QRICH1: variants seen among roughly 807,000 people sequenced by gnomAD.
The protein encoded by QRICH1 is transcriptional regulator QRICH1.
QRICH1 carries 16 observed loss-of-function variants against 87.1 expected under a neutral mutation model. That is an observed-to-expected ratio of 0.18 (90% CI 0.12 to 0.28). The LOEUF is 0.28. QRICH1 is among the 10% of genes least tolerant of loss of function. The probability of loss-of-function intolerance (pLI) is 1.00; values close to 1 mark genes in which losing one functional copy is unlikely to be tolerated. For missense variants in QRICH1, 647 were observed against 951.7 expected, an observed-to-expected ratio of 0.68 and a Z score of 4.21; for synonymous variants, 367 against 368.4, an observed-to-expected ratio of 1.00 and a Z score of 0.05.
chr3:49,058,613 G>A lies in QRICH1; in HGVS notation c.310-723C>T, dbSNP rs369876276. On this transcript the variant is annotated intron_variant, in intron 2 of 9. Transcript: ENST00000395443. Reference sequence around the variant, plus strand: ...AGTGCTGGGATTACAGGTGTGAGCCGAAACGGCCGGCATTTTTATTTCCAT... The same window carrying A: ...AGTGCTGGGATTACAGGTGTGAGCCAAAACGGCCGGCATTTTTATTTCCAT... 3.0e-3 allele frequency among the ~76,000 whole-genome samples: 449 copies of A among 150,578 alleles called. 4 individuals are homozygous for A. The highest frequency in any genetic ancestry group is 9.9e-3 in the African/African-American group (405 of 41,016).
chr3:49,048,551 G>A (rs2093352050), intron 3 of QRICH1, among the ~76,000 whole-genome samples: 1 of 150,984 alleles, frequency 6.6e-6, no homozygotes, highest in South Asian at 2.1e-4. Context: ...CACTTTGGGA[G>A]GCCGAGGTGG....
intron 2 of QRICH1, among the ~76,000 whole-genome samples, chr3:49,074,887 G>T (rs963434946): frequency 1.3e-5 from 2 of 151,910 alleles, no homozygotes; most frequent in Non-Finnish European, 2.9e-5. Context: ...GCTGAGGCAG[G>T]AGAATGGCGT....
intron 5 of QRICH1, 41 bp downstream of exon 5, chr3:49,046,384 A>C: frequency 6.3e-7 from 1 of 1,575,636 alleles, no homozygotes; most frequent in Non-Finnish European, 8.6e-7. Flanking sequence ...ATCCAATAGG[A>C]ACACAGCTCA....
In QRICH1 at chr3:49,046,493, C is replaced by T; in HGVS notation, c.1603G>A (p.Ala535Thr). The change falls in exon 5 of 10, where the codon GCT becomes ACT. Residue 535 changes from alanine to threonine, a missense_variant. Ala to Thr is a moderately conservative substitution (Grantham distance 58, BLOSUM62 0). Transcript: ENST00000395443. The stretch of plus-strand genomic sequence containing the variant: ...TAGGGTTCACCTTCTCCATTTCGAG[C>T]TTCCCGTGTCATTAGACAGAGCCCA... ...NYGLCLMTRE[A>T]RNGEGEPYDP... is the part of the protein sequence containing the mutation. 1 of 1,614,148 alleles carries T rather than the reference C, an allele frequency of 6.2e-7. No individual in the cohort carries two copies. Among genetic ancestry groups the T allele is most frequent in the Non-Finnish European group, 8.5e-7 (1 of 1,180,030 alleles).
intron 3 of QRICH1, among the ~76,000 whole-genome samples, chr3:49,047,477 ATGT>A (rs1419978832): frequency 7.2e-6 from 1 of 139,306 alleles, no homozygotes; most frequent in Non-Finnish European, 1.5e-5. Context: ...GCACTTTTAA[ATGT>A]TTTTTTTTTT....
Position 49,078,319 on chromosome 3 carries a change from A to ATGGTAGTT in QRICH1, c.-21-1289_-21-1282dup, listed in dbSNP as rs1293327205. On this transcript the variant is annotated intron_variant, in intron 1 of 9. Coordinates refer to ENST00000395443, the MANE Select transcript of QRICH1 (RefSeq NM_198880.3). ...CTGGTTCTCTCCGAATAGCTCACCC[A>ATGGTAGTT]TGGTAGTTGCTTCATATATACCTGC... Among the ~76,000 whole-genome samples, 8 of 148,972 alleles carry ATGGTAGTT rather than the reference A, an allele frequency of 5.4e-5. No homozygotes were observed. In the East Asian group the frequency reaches 1.2e-3, roughly 22 times the overall value.
chr3:49,064,842 C>A (rs926383487), intron 2 of QRICH1, among the ~76,000 whole-genome samples: 2 of 151,958 alleles, frequency 1.3e-5, no homozygotes, highest in Admixed American at 6.6e-5. Flanking sequence ...GATGGTGAAA[C>A]CCTGTCTGTC....
chr3:49,071,134 G>T (rs1366871538), intron 2 of QRICH1, among the ~76,000 whole-genome samples: 4 of 151,744 alleles, frequency 2.6e-5, no homozygotes, highest in African/African-American at 9.7e-5. Flanking sequence ...GTGTGACCCT[G>T]GCTCTCTGCA....
intron 1 of QRICH1, among the ~76,000 whole-genome samples, chr3:49,083,041 T>C (rs1359913613): frequency 3.3e-5 from 5 of 150,788 alleles, no homozygotes; most frequent in African/African-American, 1.2e-4. Flanking sequence ...CCCCCGTCTC[T>C]ACTAAAAATA....
At chr3:49,030,761 G>A (rs1043767508) in intron 9 of QRICH1, 117 bp from the exon 10 acceptor site, 3 of 885,084 alleles carry the variant, frequency 3.4e-6, no homozygotes, top group Non-Finnish European at 5.0e-6. Flanking sequence ...TTGTGGCACA[G>A]CTACTGAATT....
rs372186488 is a variant in QRICH1 at position 49,034,527 on chromosome 3, C to A, written c.1787-1299G>T. ...ACAGTGACACAATCATGGCTAACTG[C>A]AGCCTTGAGCTCTTGGACTCAAAGA... On this transcript the variant is annotated intron_variant, in intron 6 of 9. Coordinates refer to ENST00000395443, the MANE Select transcript of QRICH1 (RefSeq NM_198880.3). 9.9e-5 allele frequency among the ~76,000 whole-genome samples: 15 copies of A among 152,134 alleles called. No homozygotes were observed. The East Asian group carries it at 2.3e-3, about 24-fold the overall frequency.
chr3:49,041,639 T>C (rs1229617199), intron 6 of QRICH1, among the ~76,000 whole-genome samples: 2 of 151,948 alleles, frequency 1.3e-5, no homozygotes, highest in African/African-American at 4.8e-5. Flanking sequence ...CTACTCCTTT[T>C]TTTTTTTCTG....
At position 49,058,902 on chromosome 3, in the gene QRICH1, A is replaced by G. The variant is rs199910835; in HGVS notation, c.310-1012T>C. Reference sequence around the variant, plus strand: ...CTTGGCCTCCAAAACTGTTGAGATTACAGGCGTGAGCCACCACGGCCAGCA... The same window carrying G: ...CTTGGCCTCCAAAACTGTTGAGATTGCAGGCGTGAGCCACCACGGCCAGCA... On this transcript the variant is annotated intron_variant, in intron 2 of 9. Transcript: ENST00000395443. Among the ~76,000 whole-genome samples the G allele has an allele frequency of 9.2e-5, 14 of 151,902 alleles. No individual in the cohort carries two copies. In the East Asian group the frequency reaches 2.5e-3, roughly 27 times the overall value.
intron 1 of QRICH1, among the ~76,000 whole-genome samples, chr3:49,078,434 G>A (rs1331391905): frequency 1.0e-5 from 1 of 98,072 alleles, no homozygotes; most frequent in Non-Finnish European, 1.8e-5. Flanking sequence ...TCATTCTGTT[G>A]CCCAGGCTGG....
intron 6 of QRICH1, among the ~76,000 whole-genome samples, chr3:49,037,497 T>C (rs2093282732): frequency 6.6e-6 from 1 of 152,220 alleles, no homozygotes; most frequent in African/African-American, 2.4e-5. Flanking sequence ...TTTGGGAGGC[T>C]GAGGCAGGTG....
rs201304451 is a variant in QRICH1, at chr3:49,057,714, C to T, written c.486G>A (p.Ser162=). 2.2e-5 allele frequency: 36 copies of T among 1,614,098 alleles called. No individual in the cohort carries two copies. In the East Asian group the frequency reaches 5.6e-4, roughly 25 times the overall value. The change falls in exon 3 of 10, where the codon TCG becomes TCA. Residue 162 remains serine (S), a synonymous_variant. Coordinates refer to ENST00000395443, the MANE Select transcript of QRICH1 (RefSeq NM_198880.3). This position sits in a 1 kb window ranked among gnomAD's most constrained non-coding sequence, Gnocchi z 5.4. ...QTPSLQSPSP[S]QLQAAQIQVQ... is the part of the protein sequence containing the mutation. Reference sequence around the variant, plus strand: ...CCTGGATCTGAGCTGCTTGCAGCTGCGAGGGACTGGGACTCTGCAGAGACG... The same window carrying T: ...CCTGGATCTGAGCTGCTTGCAGCTGTGAGGGACTGGGACTCTGCAGAGACG...
rs1179568269 is a variant in QRICH1, at chr3:49,057,701, C to A, written c.499G>T (p.Ala167Ser). The A allele has an allele frequency of 6.2e-7, 1 of 1,614,218 alleles. No individual in the cohort carries two copies. The highest frequency in any genetic ancestry group is 8.5e-7 in the Non-Finnish European group (1 of 1,180,042). Residue 167 changes from alanine (A) to serine (S), a missense_variant, in exon 3 of 10, where the codon GCT (alanine) becomes TCT (serine). Ala to Ser is a moderately conservative substitution (Grantham distance 99, BLOSUM62 1). Transcript: ENST00000395443. This position sits in a 1 kb window ranked among gnomAD's most constrained non-coding sequence, Gnocchi z 5.4. Reference protein sequence around the residue: ...QSPSPSQLQAAQIQVQHVQAA... With the variant: ...QSPSPSQLQASQIQVQHVQAA... ...TGCACGTGCTGCACCTGGATCTGAG[C>A]TGCTTGCAGCTGCGAGGGACTGGGA...
chr3:49,047,729 C>T (rs565814249), intron 3 of QRICH1, among the ~76,000 whole-genome samples: 2 of 151,964 alleles, frequency 1.3e-5, no homozygotes, highest in Non-Finnish European at 2.9e-5. Flanking sequence ...GTAATCTGCC[C>T]GCCTCAGTCT....
upstream of QRICH1, chr3:49,094,202 T>C (rs1030345280): frequency 2.6e-6 from 1 of 386,470 alleles, no homozygotes; most frequent in East Asian, 3.7e-5. Flanking sequence ...CTAGAGCGGA[T>C]AGTGGATCCT....
Sources: gnomAD v4.1 joint callset for allele counts (sites outside exome capture counted in the v4.1 genomes callset) on GRCh38, gnomAD v4.1.1 for gene constraint, Gnocchi (gnomAD v3.1) non-coding constraint, MANE v1.5 for transcripts, NCBI Gene and HGNC (gene_info 2026-07-23, HGNC 2026-07-21) for gene names.